Variants in SLC16A10 observed in about 807,000 individuals in gnomAD.
The protein encoded by SLC16A10 is monocarboxylate transporter 10.
In SLC16A10, 27 loss-of-function variants were observed where a neutral mutation model predicts 40.0. The observed-to-expected ratio is 0.67, with a 90% CI of 0.50 to 0.93. The LOEUF is 0.93. SLC16A10 is among the 40% of genes least tolerant of loss of function. The pLI, the probability that SLC16A10 is intolerant of heterozygous loss-of-function variation, is 0.00. For missense variants in SLC16A10, 529 were observed against 658.2 expected (o/e 0.80, Z 2.15); for synonymous variants, 213 against 249.8 (o/e 0.85, Z 1.39).
At chr6:111,107,606 A>C (rs1015844197) in intron 1 of SLC16A10, among the ~76,000 whole-genome samples, 3 of 152,220 alleles carry the variant, frequency 2.0e-5, no homozygotes, top group African/African-American at 7.2e-5. Flanking sequence ...AATTTTAAAC[A>C]AGTGGGATTG....
rs565955219 is a variant in SLC16A10 at position 111,199,095 on chromosome 6, G to A, written c.943-7497G>A. Among the ~76,000 whole-genome samples the A allele has an allele frequency of 6.6e-5, 10 of 152,280 alleles. No homozygotes were observed. The South Asian group carries it at 2.1e-3, about 32-fold the overall frequency. On this transcript the variant is annotated intron_variant, in intron 3 of 5. Coordinates refer to ENST00000368851, the MANE Select transcript of SLC16A10 (RefSeq NM_018593.5). ...TGTTGTGTTCATTCAAACTTGCCAG[G>A]AACCAAGGATCTGAGAATGGTAAGT...
At chr6:111,117,201 A>T (rs140694721) in intron 1 of SLC16A10, among the ~76,000 whole-genome samples, 57 of 152,082 alleles carry the variant, frequency 3.7e-4, no homozygotes, top group Non-Finnish European at 6.3e-4. Flanking sequence ...ATACAAAAAA[A>T]ATTAGCCCAG....
At chr6:111,181,480 A>G (rs1772790482) in intron 3 of SLC16A10, among the ~76,000 whole-genome samples, 1 of 152,188 alleles carries the variant, frequency 6.6e-6, no homozygotes, top group Non-Finnish European at 1.5e-5. Context: ...TTGAAAGGAG[A>G]AAGATAATAC....
chr6:111,219,119 T>A, intron 5 of SLC16A10, 77 bp downstream of exon 5: 1 of 1,290,668 alleles, frequency 7.7e-7, no homozygotes, highest in Non-Finnish European at 1.1e-6. Context: ...GTCTCATTTA[T>A]ATGTAAAACA....
At chr6:111,221,137 G>A (rs575925663) in intron 5 of SLC16A10, among the ~76,000 whole-genome samples, 1 of 152,228 alleles carries the variant, frequency 6.6e-6, no homozygotes, top group East Asian at 1.9e-4. Context: ...GATAACTTAG[G>A]TTTTATAGTA....
chr6:111,095,659 A>G (rs1351922489), intron 1 of SLC16A10, among the ~76,000 whole-genome samples: 1 of 152,134 alleles, frequency 6.6e-6, no homozygotes, highest in African/African-American at 2.4e-5. Flanking sequence ...GGTGGGAGGT[A>G]ATTGAATCAT....
At chr6:111,155,324 A>G (rs1322308949) in intron 1 of SLC16A10, among the ~76,000 whole-genome samples, 2 of 151,094 alleles carry the variant, frequency 1.3e-5, no homozygotes, top group African/African-American at 2.4e-5. Context: ...CTGGGACAAC[A>G]GGTGCATGCC....
chr6:111,217,489 G>T (rs944060851), intron 4 of SLC16A10, among the ~76,000 whole-genome samples: 8 of 152,156 alleles, frequency 5.3e-5, no homozygotes, highest in Admixed American at 2.0e-4. Flanking sequence ...TCGCTCTGTC[G>T]CCCAGGCTGG....
Position 111,188,266 on chromosome 6 carries a change from TCTCCCTCTCTCCCTCC to T in SLC16A10, c.942+10604_942+10619del, listed in dbSNP as rs1175614311. ...TACTTTCTCTCTCCCTCTCTCCCTCTCTCCCTCTCTCCCTCCCTTCCTTCTTTCTTCCCTCCCTCCC... is the reference window on the plus strand; with the variant it reads ...TACTTTCTCTCTCCCTCTCTCCCTCTCTTCCTTCTTTCTTCCCTCCCTCCC... On this transcript the variant is annotated intron_variant, in intron 3 of 5. Transcript: ENST00000368851. Among the ~76,000 whole-genome samples, 14 of 134,636 alleles carry T rather than the reference TCTCCCTCTCTCCCTCC, an allele frequency of 1.0e-4. No individual in the cohort carries two copies. The Admixed American group carries it at 1.1e-3, about 10-fold the overall frequency. 88.3% of individuals were successfully genotyped at this position (134,636 alleles called of 152,430 possible).
intron 1 of SLC16A10, among the ~76,000 whole-genome samples, chr6:111,118,551 C>T (rs1771528849): frequency 6.6e-6 from 1 of 151,958 alleles, no homozygotes; most frequent in African/African-American, 2.4e-5. Flanking sequence ...CGTGCTGGTG[C>T]ATGCCTGTAG....
intron 3 of SLC16A10, among the ~76,000 whole-genome samples, chr6:111,194,284 T>C (rs1360901219): frequency 2.0e-5 from 3 of 152,218 alleles, no homozygotes; most frequent in Non-Finnish European, 4.4e-5. Flanking sequence ...ATCTCCATCT[T>C]GCAGGGAGAA....
intron 4 of SLC16A10, among the ~76,000 whole-genome samples, chr6:111,211,703 A>T (rs932210021): frequency 6.6e-6 from 1 of 152,204 alleles, no homozygotes; most frequent in Admixed American, 6.5e-5. Flanking sequence ...CCCATGCAGG[A>T]TGCTGGACTC....
At position 111,228,121 on chromosome 6, in the gene SLC16A10, C is replaced by G. The variant is rs542883900; in HGVS notation, c.*5886C>G. 6.6e-6 allele frequency: 1 copy of G among 152,326 alleles called. No homozygotes were observed. Among genetic ancestry groups the G allele is most frequent in the African/African-American group, 2.4e-5 (1 of 41,574 alleles). The allele number at this position is 152,326 out of a possible 1,614,324, so 9.4% of individuals were successfully genotyped here. ...ACACTTAGATTCTAAATTAGACACA[C>G]TCAGATTCTAATGAACACTTAGAAT... On this transcript the variant is annotated 3_prime_UTR_variant, in exon 6 of 6. Coordinates refer to ENST00000368851, the MANE Select transcript of SLC16A10 (RefSeq NM_018593.5).
intron 5 of SLC16A10, 34 bp downstream of exon 5, chr6:111,219,076 T>G (rs1293261369): frequency 1.3e-6 from 2 of 1,556,718 alleles, no homozygotes; most frequent in African/African-American, 2.7e-5. Flanking sequence ...GTTATATTAA[T>G]TCATAGTATT....
intron 3 of SLC16A10, among the ~76,000 whole-genome samples, chr6:111,183,498 A>G (rs1453168727): frequency 6.6e-6 from 1 of 152,236 alleles, no homozygotes; most frequent in Non-Finnish European, 1.5e-5. Flanking sequence ...TTGAATGACT[A>G]AATATATTCT....
intron 1 of SLC16A10, among the ~76,000 whole-genome samples, chr6:111,171,338 G>A (rs1391116037): frequency 6.6e-6 from 1 of 152,072 alleles, no homozygotes; most frequent in Non-Finnish European, 1.5e-5. Context: ...CTTCTTTCTG[G>A]TGAGGGAAGA....
At chr6:111,209,383 C>T (rs1773306731) in intron 4 of SLC16A10, among the ~76,000 whole-genome samples, 1 of 152,018 alleles carries the variant, frequency 6.6e-6, no homozygotes, top group South Asian at 2.1e-4. Flanking sequence ...ATTTGTGGCT[C>T]AGGTAATGGA....
chr6:111,226,962 T>G lies in SLC16A10; in HGVS notation c.*4727T>G, dbSNP rs1332215603. ...GCCTGGGCAACATAGTGAGATTTCG[T>G]CTCTACAAAAAAAATTTAGCCAGCT... On this transcript the variant is annotated 3_prime_UTR_variant, in exon 6 of 6. Coordinates refer to ENST00000368851, the MANE Select transcript of SLC16A10 (RefSeq NM_018593.5). 1.3e-5 allele frequency: 2 copies of G among 152,172 alleles called. No homozygotes were observed. The highest frequency in any genetic ancestry group is 2.9e-5 in the Non-Finnish European group (2 of 68,070). The allele number at this position is 152,172 out of a possible 1,614,324, so 9.4% of individuals were successfully genotyped here. A position where few individuals can be genotyped will look rare whatever the true frequency, so the allele number is the denominator to read the frequency against.
chr6:111,213,952 A>G (rs1476459811), intron 4 of SLC16A10, among the ~76,000 whole-genome samples: 1 of 152,232 alleles, frequency 6.6e-6, no homozygotes, highest in African/African-American at 2.4e-5. Context: ...TTACATGTCT[A>G]TCTCCAAGAT....
Sources: gnomAD v4.1 joint callset for allele counts (sites outside exome capture counted in the v4.1 genomes callset) on GRCh38, gnomAD v4.1.1 for gene constraint, MANE v1.5 for transcripts, NCBI Gene and HGNC (gene_info 2026-07-23, HGNC 2026-07-21) for gene names.